The following HOOK1 variants were observed in gnomAD, a reference collection of about 807,000 sequenced individuals.
HOOK1 encodes the protein protein Hook homolog 1.
A neutral mutation model predicts 112.8 loss-of-function variants in HOOK1; 60 were observed. The ratio of observed to expected loss-of-function variants is 0.53; its 90% CI spans 0.43 to 0.66. The LOEUF is 0.66. HOOK1 is among the 30% of genes least tolerant of loss of function. The pLI is 0.00. For missense variants in HOOK1, 770 were observed against 856.0 expected (o/e 0.90, Z 1.25); for synonymous variants, 294 against 283.8 (o/e 1.04, Z -0.36).
chr1:59,818,686 C>A (rs1179315832), intron 1 of HOOK1, among the ~76,000 whole-genome samples: 1 of 152,138 alleles, frequency 6.6e-6, no homozygotes, highest in Non-Finnish European at 1.5e-5. Flanking sequence ...TTGGTTCTTG[C>A]ATTCTTTGAC....
chr1:59,814,951 G>A lies in HOOK1; in HGVS notation c.-167G>A. On this transcript the variant is annotated 5_prime_UTR_variant, in exon 1 of 22. Transcript: ENST00000371208. ...AGGCGGGGGCGGGTGAGGAGGGGGT[G>A]ACGCCGGACGCGTCGACAGCGCGAG... The A allele has an allele frequency of 1.6e-6, 1 of 639,578 alleles. No homozygotes were observed. The highest frequency in any genetic ancestry group is 1.9e-5 in the South Asian group (1 of 51,690). 39.6% of individuals were successfully genotyped at this position (639,578 alleles called of 1,614,324 possible).
At chr1:59,852,032 A>G (rs1002823041) in intron 12 of HOOK1, among the ~76,000 whole-genome samples, 2 of 151,680 alleles carry the variant, frequency 1.3e-5, no homozygotes, top group Admixed American at 6.6e-5. Flanking sequence ...TGTTCATAAT[A>G]TATACTTTAA....
rs1366001278 is a variant in HOOK1, at chr1:59,815,092, C to T, written c.-26C>T. Reference sequence around the variant, plus strand: ...GTAGGAGGGAGTGTGAAGGTGTCCGCGGCGTCGTCGACGGCGGCGCCGGCC... The same window carrying T: ...GTAGGAGGGAGTGTGAAGGTGTCCGTGGCGTCGTCGACGGCGGCGCCGGCC... On this transcript the variant is annotated 5_prime_UTR_variant, in exon 1 of 22. Transcript: ENST00000371208. 6 of 1,537,570 alleles carry T rather than the reference C, an allele frequency of 3.9e-6. No individual in the cohort carries two copies. The highest frequency in any genetic ancestry group is 1.7e-4 in the Middle Eastern group (1 of 5,942).
chr1:59,827,541 G>T (rs1469519105), intron 2 of HOOK1, among the ~76,000 whole-genome samples: 2 of 152,202 alleles, frequency 1.3e-5, no homozygotes, highest in Admixed American at 6.5e-5. Context: ...GGTTAGCAGT[G>T]TAGCATTTAC....
At position 59,828,758 on chromosome 1, in the gene HOOK1, ATT is replaced by A. The variant is rs537191917; in HGVS notation, c.150-15_150-14del. 1.3e-6 allele frequency: 2 copies of A among 1,597,224 alleles called. No individual in the cohort carries two copies. Among genetic ancestry groups the A allele is most frequent in the South Asian group, 2.3e-5 (2 of 88,676 alleles). The stretch of plus-strand genomic sequence containing the variant: ...TAATAAAAACATTTTCATCTTTAGT[ATT>A]TTTTTTGTTGTTGTTTCAGTGATGC... On this transcript the variant is annotated intron_variant, in intron 2 of 21. Coordinates refer to ENST00000371208, the MANE Select transcript of HOOK1 (RefSeq NM_015888.6).
intron 19 of HOOK1, among the ~76,000 whole-genome samples, 179 bp from the exon 20 acceptor site, chr1:59,868,071 G>A (rs1643997573): frequency 6.6e-6 from 1 of 152,068 alleles, no homozygotes; most frequent in Admixed American, 6.5e-5. Flanking sequence ...ACTGTTTCTT[G>A]TATATAGAAT....
At chr1:59,832,904 TA>T (rs1160988741) in intron 4 of HOOK1, among the ~76,000 whole-genome samples, 1 of 152,108 alleles carries the variant, frequency 6.6e-6, no homozygotes, top group Non-Finnish European at 1.5e-5. Flanking sequence ...GAAGCTGTTT[TA>T]ATGCCAAGAA....
intron 2 of HOOK1, among the ~76,000 whole-genome samples, chr1:59,826,351 A>G (rs1178326938): frequency 6.6e-6 from 1 of 152,138 alleles, no homozygotes; most frequent in Non-Finnish European, 1.5e-5. Context: ...GGAAAAAAAA[A>G]AAAAGAGATG....
chr1:59,849,575 C>T (rs2098406029), intron 12 of HOOK1, among the ~76,000 whole-genome samples: 1 of 151,632 alleles, frequency 6.6e-6, no homozygotes, highest in South Asian at 2.1e-4. Context: ...CTACCATCAT[C>T]ATAATCATAC....
intron 1 of HOOK1, among the ~76,000 whole-genome samples, chr1:59,817,349 A>G (rs1388330164): frequency 1.3e-5 from 2 of 152,204 alleles, no homozygotes; most frequent in South Asian, 4.1e-4. Context: ...CCAGTTTGCT[A>G]AATCCACTAA....
In HOOK1 at chr1:59,873,558, G is replaced by C. The variant is rs1035627147; in HGVS notation, c.*593G>C. On this transcript the variant is annotated 3_prime_UTR_variant, in exon 22 of 22. Coordinates refer to ENST00000371208, the MANE Select transcript of HOOK1 (RefSeq NM_015888.6). ...AGATCTGACAATTGGAATGACTTTG[G>C]AATAATAAAATTGACTAATTGGAAA... The C allele has an allele frequency of 7.3e-5, 11 of 151,308 alleles. No homozygotes were observed. Among genetic ancestry groups the C allele is most frequent in the African/African-American group, 2.2e-4 (9 of 41,172 alleles). 9.4% of individuals were successfully genotyped at this position (151,308 alleles called of 1,614,324 possible). A position where few individuals can be genotyped will look rare whatever the true frequency, so the allele number is the denominator to read the frequency against.
chr1:59,835,477 C>T (rs371984517), intron 6 of HOOK1, 65 bp downstream of exon 6: 2 of 884,708 alleles, frequency 2.3e-6, no homozygotes, highest in East Asian at 5.2e-5. Context: ...ACTTTTCATA[C>T]TTTATGCTTT....
At chr1:59,864,864 T>C in intron 17 of HOOK1, 198 bp downstream of exon 17, 1 of 549,552 alleles carries the variant, frequency 1.8e-6, no homozygotes, top group Non-Finnish European at 3.3e-6. Flanking sequence ...ATCTTTCCAT[T>C]GTTAATATCA....
chr1:59,872,883 G>A lies in HOOK1; in HGVS notation c.2105G>A (p.Arg702Gln), dbSNP rs370424578. 6.1e-5 allele frequency: 94 copies of A among 1,528,888 alleles called. No homozygotes were observed. Among genetic ancestry groups the A allele is most frequent in the Non-Finnish European group, 8.1e-5 (92 of 1,131,436 alleles). 94.7% of individuals were successfully genotyped at this position (1,528,888 alleles called of 1,614,324 possible). A position where few individuals can be genotyped will look rare whatever the true frequency, so the allele number is the denominator to read the frequency against. ...CSDTGACTPARSFLAQQRHIT... is the reference protein window; with the variant it reads ...CSDTGACTPAQSFLAQQRHIT... ...GACACTGGTGCGTGCACTCCTGCGC[G>A]GTCTTTCTTAGCGCAGCAACGGCAC... The change falls in exon 22 of 22, where the codon CGG (arginine) becomes CAG (glutamine). Residue 702 changes from arginine (R) to glutamine (Q), a missense_variant. By Grantham distance (43) the Arg-to-Gln change is conservative. Around this residue, in one of 3 missense-constraint regions of HOOK1, gnomAD observed 111 missense variants for 111.8 expected, o/e 0.99. Transcript: ENST00000371208.
chr1:59,858,380 T>C, intron 12 of HOOK1, 48 bp from the exon 13 acceptor site: 1 of 1,125,916 alleles, frequency 8.9e-7, no homozygotes, highest in Non-Finnish European at 1.4e-6. Context: ...AAGTACATTG[T>C]TTATAGGCAG....
intron 1 of HOOK1, among the ~76,000 whole-genome samples, chr1:59,820,689 A>G (rs1403869973): frequency 6.6e-6 from 1 of 152,108 alleles, no homozygotes. Flanking sequence ...TTTTTTGCAG[A>G]ACATTTTGTG....
intron 12 of HOOK1, among the ~76,000 whole-genome samples, chr1:59,856,522 G>A (rs2098410863): frequency 6.9e-6 from 1 of 144,134 alleles, no homozygotes; most frequent in African/African-American, 2.6e-5. Flanking sequence ...TGTGTATTTT[G>A]TATTTTTGTT....
At chr1:59,841,442 G>A (rs1289218236) in intron 8 of HOOK1, among the ~76,000 whole-genome samples, 1 of 152,042 alleles carries the variant, frequency 6.6e-6, no homozygotes, top group Non-Finnish European at 1.5e-5. Flanking sequence ...ACTTGGTTAG[G>A]GTGACTAGTC....
At chr1:59,861,786 T>C (rs974620658) in intron 15 of HOOK1, among the ~76,000 whole-genome samples, 2 of 152,218 alleles carry the variant, frequency 1.3e-5, no homozygotes, top group Non-Finnish European at 2.9e-5. Flanking sequence ...TTTGGATTTA[T>C]TTAACCTTTA....
Sources: gnomAD v4.1 joint callset for allele counts (sites outside exome capture counted in the v4.1 genomes callset) on GRCh38, gnomAD v4.1.1 for gene constraint, gnomAD v4.1.1 regional missense constraint, MANE v1.5 for transcripts, NCBI Gene and HGNC (gene_info 2026-07-23, HGNC 2026-07-21) for gene names.